CHL1: variants seen among roughly 807,000 people sequenced by gnomAD.
The protein encoded by CHL1 is cell adhesion molecule L1 like.
A neutral mutation model predicts 141.9 loss-of-function variants in CHL1; 96 were observed. That is an observed-to-expected ratio of 0.68 (90% CI 0.57 to 0.80). The LOEUF is 0.80. Ranked by LOEUF, CHL1 falls within the 30% of genes least tolerant of loss-of-function variation. CHL1 has a pLI of 0.00. For synonymous variants in CHL1, 613 were observed against 502.2 expected, an observed-to-expected ratio of 1.22 and a Z score of -2.95; for missense variants, 1,820 against 1,457.2, an observed-to-expected ratio of 1.25 and a Z score of -4.05.
Position 361,727 on chromosome 3 carries a change from T to C in CHL1, c.1335T>C (p.Asp445=). ...TCCGTCCATTGATACAAACCAAAGA[T>C]GGAGAAAATTACGCTACAGTGGTTG... ...VDVRPLIQTK[D]GENYATVVGY... is the part of the protein sequence containing the mutation. The change falls in exon 13 of 28, where the codon GAT becomes GAC. Residue 445 remains aspartate (D), a synonymous_variant. Transcript: ENST00000256509. 1 of 1,613,266 alleles carries C rather than the reference T, an allele frequency of 6.2e-7. No individual in the cohort carries two copies. The highest frequency in any genetic ancestry group is 8.5e-7 in the Non-Finnish European group (1 of 1,179,282).
At chr3:268,175 G>A (rs17016845) in intron 2 of CHL1, among the ~76,000 whole-genome samples, 29,374 of 152,070 alleles carry the variant, frequency 0.19, 2,945 homozygotes, top group South Asian at 0.26. Flanking sequence ...TCAAACTGTG[G>A]GTAAAATAAT....
chr3:320,480 C>T (rs967649357), intron 3 of CHL1, among the ~76,000 whole-genome samples: 1 of 151,518 alleles, frequency 6.6e-6, no homozygotes, highest in South Asian at 2.1e-4. Flanking sequence ...GATTTTTAGC[C>T]ATTATAAATC....
intron 9 of CHL1, among the ~76,000 whole-genome samples, chr3:346,641 A>T (rs1702791996): frequency 6.6e-6 from 1 of 152,334 alleles, no homozygotes; most frequent in African/African-American, 2.4e-5. Flanking sequence ...TTGTGAGGAC[A>T]TGAAAATTCT....
intron 2 of CHL1, among the ~76,000 whole-genome samples, chr3:301,306 T>A (rs1698705512): frequency 6.6e-6 from 1 of 152,170 alleles, no homozygotes. Context: ...GTGTTTCAGA[T>A]GGCAGATGAC....
At chr3:377,630 G>A (rs1378879471) in intron 15 of CHL1, among the ~76,000 whole-genome samples, 188 bp from the exon 16 acceptor site, 2 of 152,178 alleles carry the variant, frequency 1.3e-5, no homozygotes, top group Non-Finnish European at 2.9e-5. Flanking sequence ...GTAGACAGTT[G>A]TGTATGCTAG....
chr3:328,548 T>A (rs1399070979), intron 5 of CHL1, 194 bp downstream of exon 5: 3 of 448,096 alleles, frequency 6.7e-6, no homozygotes, highest in Non-Finnish European at 1.2e-5. Context: ...ACAACATAAT[T>A]TGACTCTGTT....
chr3:318,344 G>T (rs144306494), intron 2 of CHL1, among the ~76,000 whole-genome samples: 165 of 151,892 alleles, frequency 1.1e-3, no homozygotes, highest in African/African-American at 3.8e-3. Context: ...TACTATCTCT[G>T]TGTTAGCTAA....
chr3:340,965 C>A, intron 6 of CHL1, 49 bp downstream of exon 6: 1 of 1,541,018 alleles, frequency 6.5e-7, no homozygotes, highest in Non-Finnish European at 8.9e-7. Context: ...TTAATTCTAT[C>A]CATCATATCA....
intron 2 of CHL1, among the ~76,000 whole-genome samples, chr3:286,266 C>G (rs1358302717): frequency 1.3e-5 from 2 of 151,994 alleles, no homozygotes; most frequent in Non-Finnish European, 2.9e-5. Context: ...TTGGATCTCG[C>G]ACAAGAAAGA....
At chr3:337,191 G>GT (rs71058767) in intron 5 of CHL1, among the ~76,000 whole-genome samples, 604 of 27,658 alleles carry the variant, frequency 0.022, 7 homozygotes, top group South Asian at 0.064. Context: ...TTTTGTTTTT[G>GT]TTTTTTTTTT....
intron 15 of CHL1, among the ~76,000 whole-genome samples, chr3:368,708 G>C (rs928830927): frequency 2.0e-5 from 3 of 152,116 alleles, no homozygotes; most frequent in African/African-American, 7.2e-5. Context: ...TTTTCTTCTA[G>C]GGTTTTTAAT....
At chr3:334,006 G>C (rs1332798276) in intron 5 of CHL1, among the ~76,000 whole-genome samples, 1 of 152,034 alleles carries the variant, frequency 6.6e-6, no homozygotes, top group East Asian at 1.9e-4. Flanking sequence ...GCCCAGGCTA[G>C]AGTGCAGTGG....
At position 361,703 on chromosome 3, in the gene CHL1, C is replaced by G. The variant is rs773636933; in HGVS notation, c.1311C>G (p.Val437=). The change falls in exon 13 of 28, where the codon GTC becomes GTG. Residue 437 remains valine, a synonymous_variant. Transcript: ENST00000256509. The part of the protein sequence containing the change: ...LANANIDVVD[V]RPLIQTKDGE... ...GTTTATGTTATTTTCAAATAGATGT[C>G]CGTCCATTGATACAAACCAAAGATG... 7 of 1,605,512 alleles carry G rather than the reference C, an allele frequency of 4.4e-6. No individual in the cohort carries two copies. The highest frequency in any genetic ancestry group is 6.0e-6 in the Non-Finnish European group (7 of 1,172,840).
chr3:324,399 A>G (rs1700835124), intron 3 of CHL1, among the ~76,000 whole-genome samples: 1 of 152,076 alleles, frequency 6.6e-6, no homozygotes, highest in African/African-American at 2.4e-5. Flanking sequence ...TAGAGATTCT[A>G]AGAACTGTAC....
intron 1 of CHL1, chr3:213,675 G>C (rs973849725): frequency 6.6e-6 from 1 of 152,184 alleles, no homozygotes; most frequent in African/African-American, 2.4e-5. Flanking sequence ...GATTAGAATA[G>C]AGAAAGATTA....
At chr3:309,429 T>G (rs56845102) in intron 2 of CHL1, 351 of 150,288 alleles carry the variant, frequency 2.3e-3, no homozygotes, top group African/African-American at 8.5e-3. Flanking sequence ...TCTTCCTCTT[T>G]CTTTCTCTTT....
chr3:399,957 A>G (rs1206728164), intron 26 of CHL1, among the ~76,000 whole-genome samples: 2 of 152,236 alleles, frequency 1.3e-5, no homozygotes, highest in African/African-American at 2.4e-5. Context: ...TTAATGATAC[A>G]TAAGATATAC....
At chr3:242,138 A>G (rs959156379) in intron 1 of CHL1, among the ~76,000 whole-genome samples, 2 of 152,182 alleles carry the variant, frequency 1.3e-5, no homozygotes, top group Admixed American at 1.3e-4. Flanking sequence ...AAGGAGAGAA[A>G]TGTTTAAAAA....
intron 1 of CHL1, among the ~76,000 whole-genome samples, chr3:237,440 C>G (rs1032178826): frequency 6.6e-5 from 10 of 152,190 alleles, no homozygotes; most frequent in South Asian, 6.2e-4. Context: ...ACTGTGAAAA[C>G]AGGCTAAAAT....
Sources: gnomAD v4.1 joint callset for allele counts (sites outside exome capture counted in the v4.1 genomes callset) on GRCh38, gnomAD v4.1.1 for gene constraint, MANE v1.5 for transcripts, NCBI Gene and HGNC (gene_info 2026-07-23, HGNC 2026-07-21) for gene names.